Variants in TRAPPC3 observed in about 807,000 individuals in gnomAD.
The protein encoded by TRAPPC3 is trafficking protein particle complex 3.
In TRAPPC3, 5 loss-of-function variants were observed where a neutral mutation model predicts 18.2. The observed-to-expected ratio is 0.28, with a 90% CI of 0.14 to 0.58. The LOEUF is 0.58. Among genes scored for constraint, TRAPPC3 ranks in the 20% least tolerant of loss-of-function variants. TRAPPC3 has a pLI of 0.91. For missense variants in TRAPPC3, 176 were observed against 225.9 expected, an observed-to-expected ratio of 0.78 and a Z score of 1.41; for synonymous variants, 65 against 84.2, an observed-to-expected ratio of 0.77 and a Z score of 1.25.
upstream of TRAPPC3, among the ~76,000 whole-genome samples, chr1:36,152,302 T>C (rs201778147): frequency 0.016 from 2,395 of 151,804 alleles, 153 homozygotes; most frequent in East Asian, 0.21. Context: ...TTTCTTTTTT[T>C]TTTTTTTTTG....
At chr1:36,152,946 G>A (rs1182095173), upstream of TRAPPC3, among the ~76,000 whole-genome samples, 3 of 152,208 alleles carry the variant, frequency 2.0e-5, no homozygotes, top group Admixed American at 6.5e-5. Flanking sequence ...CACTGTGCCT[G>A]GCCAGGATAG....
At chr1:36,148,574 G>A (rs1314871796) in intron 1 of TRAPPC3, among the ~76,000 whole-genome samples, 1 of 148,100 alleles carries the variant, frequency 6.8e-6, no homozygotes, top group Admixed American at 6.7e-5. Context: ...CACCCCGGGT[G>A]ACAGAGATTT....
chr1:36,145,611 G>A (rs1054304145), intron 1 of TRAPPC3, among the ~76,000 whole-genome samples: 9 of 152,078 alleles, frequency 5.9e-5, no homozygotes, highest in African/African-American at 9.7e-5. Flanking sequence ...GCCAACCCCC[G>A]TACAGGCACA....
intron 1 of TRAPPC3, among the ~76,000 whole-genome samples, chr1:36,145,388 A>G (rs1245795369): frequency 6.6e-6 from 1 of 152,124 alleles, no homozygotes; most frequent in African/African-American, 2.4e-5. Context: ...CAAAATAGGT[A>G]ATCCAGTGTG....
chr1:36,145,431 G>C (rs769993394), intron 1 of TRAPPC3, among the ~76,000 whole-genome samples: 1 of 152,128 alleles, frequency 6.6e-6, no homozygotes, highest in Admixed American at 6.6e-5. Flanking sequence ...AGGATCAATA[G>C]CAAGACTAAA....
chr1:36,145,748 A>G (rs1644184671), intron 1 of TRAPPC3, among the ~76,000 whole-genome samples: 2 of 152,182 alleles, frequency 1.3e-5, no homozygotes, highest in Admixed American at 6.5e-5. Context: ...GAACAACCCT[A>G]TAATATAGGT....
At chr1:36,146,592 T>TAAAA (rs58611478) in intron 1 of TRAPPC3, among the ~76,000 whole-genome samples, 61 of 82,950 alleles carry the variant, frequency 7.4e-4, no homozygotes, top group African/African-American at 3.2e-3. Flanking sequence ...CCTACTTCAT[T>TAAAA]AAAAAAAAAA....
intron 1 of TRAPPC3, among the ~76,000 whole-genome samples, chr1:36,144,352 A>AACAACTT (rs1644162450): frequency 6.6e-6 from 1 of 151,322 alleles, no homozygotes; most frequent in Non-Finnish European, 1.5e-5. Flanking sequence ...AATCAATATA[A>AACAACTT]ACAACTTTCT....
At chr1:36,145,085 A>C (rs934111166) in intron 1 of TRAPPC3, among the ~76,000 whole-genome samples, 1 of 151,708 alleles carries the variant, frequency 6.6e-6, no homozygotes, top group African/African-American at 2.4e-5. Flanking sequence ...GCAGTAGCGC[A>C]ATCTTGGCTC....
At chr1:36,149,192 C>T (rs776582812) in intron 1 of TRAPPC3, 145 bp downstream of exon 1, 16 of 1,508,048 alleles carry the variant, frequency 1.1e-5, no homozygotes, top group South Asian at 1.3e-5. Flanking sequence ...CCTGGAACGC[C>T]CCCGGAGTGA....
upstream of TRAPPC3, among the ~76,000 whole-genome samples, chr1:36,152,426 G>A (rs1644278034): frequency 6.6e-6 from 1 of 151,052 alleles, no homozygotes; most frequent in Non-Finnish European, 1.5e-5. Context: ...TCCTGCCTCA[G>A]CCTCCTGAGT....
chr1:36,149,140 G>A, intron 1 of TRAPPC3, 197 bp downstream of exon 1: 1 of 1,451,956 alleles, frequency 6.9e-7, no homozygotes, highest in Non-Finnish European at 9.1e-7. Context: ...CCTTGGGGGC[G>A]GGGTCTCCTC....
At chr1:36,146,959 AC>A (rs1167650029) in intron 1 of TRAPPC3, among the ~76,000 whole-genome samples, 1 of 152,198 alleles carries the variant, frequency 6.6e-6, no homozygotes, top group African/African-American at 2.4e-5. Context: ...GGGCATACTA[AC>A]AATTTAGATG....
upstream of TRAPPC3, among the ~76,000 whole-genome samples, chr1:36,149,926 C>A (rs543994642): frequency 1.3e-3 from 199 of 152,300 alleles, 1 homozygote; most frequent in African/African-American, 4.7e-3. Context: ...GAATTGGCTT[C>A]TTCATTAGAA....
chr1:36,146,196 A>G (rs80216490), intron 1 of TRAPPC3, among the ~76,000 whole-genome samples: 2 of 151,910 alleles, frequency 1.3e-5, no homozygotes, highest in Non-Finnish European at 2.9e-5. Flanking sequence ...CTCCTGCCTC[A>G]GCCTCCTGAG....
At chr1:36,149,612 C>G, upstream of TRAPPC3, 1 of 600,412 alleles carries the variant, frequency 1.7e-6, no homozygotes, top group South Asian at 1.9e-5. Context: ...AGCACCGCCT[C>G]TTAACACAGT....
intron 4 of TRAPPC3, 96 bp downstream of exon 4, chr1:36,137,700 G>T: frequency 1.5e-6 from 2 of 1,343,728 alleles, no homozygotes; most frequent in Non-Finnish European, 2.0e-6. Context: ...GCTGGGGTGA[G>T]CCAAAGCCCT....
In TRAPPC3 at chr1:36,137,978, C is replaced by T; in HGVS notation, c.241G>A (p.Val81Met). The T allele has an allele frequency of 1.9e-6, 3 of 1,613,544 alleles. No homozygotes were observed. The highest frequency in any genetic ancestry group is 1.3e-5 in the African/African-American group (1 of 75,026). Residue 81 changes from valine to methionine, a missense_variant and splice_region_variant, in exon 4 of 5, where the codon GTG becomes ATG. This residue lies in a region of TRAPPC3 where 147 missense variants were observed against 164.3 expected (regional missense o/e 0.89). Transcript: ENST00000373166. ...FRETADVIAK[V>M]AFKMYLGITP... ...ATGCCCAAGTACATCTTGAACGCCA[C>T]CTGTCAGGGGACACACAACAGCACT...
rs557773542 is a variant in TRAPPC3 at position 36,144,037 on chromosome 1, C to G, written c.43-3871G>C. The stretch of plus-strand genomic sequence containing the variant: ...GAACTAGGTTCAAGGAGGGCAAGTA[C>G]AGCACTTTGGGAGGCCGAGGCGGGC... On this transcript the variant is annotated intron_variant, in intron 1 of 4. Transcript: ENST00000373166. 2.3e-4 allele frequency among the ~76,000 whole-genome samples: 35 copies of G among 152,138 alleles called. No homozygotes were observed. In the East Asian group the frequency reaches 6.6e-3, roughly 29 times the overall value.
Sources: gnomAD v4.1 joint callset for allele counts (sites outside exome capture counted in the v4.1 genomes callset) on GRCh38, gnomAD v4.1.1 for gene constraint, gnomAD v4.1.1 regional missense constraint, MANE v1.5 for transcripts, NCBI Gene and HGNC (gene_info 2026-07-23, HGNC 2026-07-21) for gene names.